AFF3: variants seen among roughly 807,000 people sequenced by gnomAD.
AFF3 encodes the protein ALF transcription elongation factor 3, also known as AF4/FMR2 family member 3.
A neutral mutation model predicts 129.7 loss-of-function variants in AFF3; 32 were observed. The ratio of observed to expected loss-of-function variants is 0.25; its 90% CI spans 0.19 to 0.33. AFF3 has a LOEUF of 0.33. AFF3 is among the 10% of genes least tolerant of loss of function. AFF3 has a pLI of 1.00. For missense variants in AFF3, 1,373 were observed against 1,592.0 expected (o/e 0.86, Z 2.34); for synonymous variants, 644 against 635.4 (o/e 1.01, Z -0.20).
intron 13 of AFF3, among the ~76,000 whole-genome samples, chr2:99,606,304 A>C (rs1680326625): frequency 6.6e-6 from 1 of 152,166 alleles, no homozygotes; most frequent in Non-Finnish European, 1.5e-5. Flanking sequence ...TGAAATGATA[A>C]CACGGATTGG....
Position 99,836,140 on chromosome 2 carries a change from A to T in AFF3, c.921+1337T>A, listed in dbSNP as rs376718626. On this transcript the variant is annotated intron_variant, in intron 8 of 24. Transcript: ENST00000672756. ...CATATCCTCAGAAGGGCCAAGAGAGAATAAGAAGGTAGACTTTTTCTACTT... is the reference window on the plus strand; with the variant it reads ...CATATCCTCAGAAGGGCCAAGAGAGTATAAGAAGGTAGACTTTTTCTACTT... Among the ~76,000 whole-genome samples, 4 of 152,316 alleles carry T rather than the reference A, an allele frequency of 2.6e-5. No homozygotes were observed. In the East Asian group the frequency reaches 7.7e-4, roughly 29 times the overall value.
chr2:100,070,527 A>G (rs1688095227), intron 4 of AFF3, among the ~76,000 whole-genome samples: 1 of 152,236 alleles, frequency 6.6e-6, no homozygotes, highest in Admixed American at 6.5e-5. Context: ...TACGATGTTC[A>G]TAGTTTATTC....
At chr2:99,638,159 C>T (rs868175500) in intron 13 of AFF3, among the ~76,000 whole-genome samples, 1 of 151,854 alleles carries the variant, frequency 6.6e-6, no homozygotes, top group African/African-American at 2.4e-5. Context: ...CTGCAACCTC[C>T]GTCTTCCAGG....
intron 8 of AFF3, among the ~76,000 whole-genome samples, chr2:99,763,586 G>A (rs1682786756): frequency 6.6e-6 from 1 of 152,080 alleles, no homozygotes; most frequent in Non-Finnish European, 1.5e-5. Flanking sequence ...CATTTTGATG[G>A]AAATACTACT....
chr2:99,681,037 G>T (rs1190564178), intron 11 of AFF3, among the ~76,000 whole-genome samples: 1 of 152,174 alleles, frequency 6.6e-6, no homozygotes, highest in Non-Finnish European at 1.5e-5. Context: ...GGATAGGTTT[G>T]GGGTGCAATC....
intron 7 of AFF3, among the ~76,000 whole-genome samples, chr2:99,951,620 G>A (rs2106387623): frequency 6.6e-6 from 1 of 152,264 alleles, no homozygotes; most frequent in South Asian, 2.1e-4. Flanking sequence ...CAGTTTATTA[G>A]TAAATACTGT....
At chr2:100,012,754 C>T (rs907876651) in intron 4 of AFF3, among the ~76,000 whole-genome samples, 1 of 152,168 alleles carries the variant, frequency 6.6e-6, no homozygotes, top group South Asian at 2.1e-4. Flanking sequence ...GGTCAGCTTC[C>T]CCTGGGATGG....
At chr2:99,940,487 C>A (rs1477862241) in intron 7 of AFF3, among the ~76,000 whole-genome samples, 1 of 152,168 alleles carries the variant, frequency 6.6e-6, no homozygotes, top group Non-Finnish European at 1.5e-5. Flanking sequence ...AAAGAAGCAG[C>A]CAAATCTCAC....
intron 7 of AFF3, among the ~76,000 whole-genome samples, chr2:99,838,786 A>G (rs1478231512): frequency 6.6e-6 from 1 of 152,210 alleles, no homozygotes; most frequent in African/African-American, 2.4e-5. Flanking sequence ...TCTGAGGGGC[A>G]TGAGGCTCAT....
chr2:99,673,867 T>C (rs1220372557), intron 11 of AFF3, among the ~76,000 whole-genome samples: 1 of 152,220 alleles, frequency 6.6e-6, no homozygotes, highest in Non-Finnish European at 1.5e-5. Context: ...TCTATGCATG[T>C]GGGGTGAGTC....
chr2:99,759,015 C>T (rs192864040), intron 8 of AFF3, among the ~76,000 whole-genome samples: 4 of 152,316 alleles, frequency 2.6e-5, no homozygotes, highest in Admixed American at 2.6e-4. Context: ...CTTACACCAT[C>T]CCCTTAGTGT....
At chr2:99,959,696 C>CATATATAT (rs58551565) in intron 7 of AFF3, among the ~76,000 whole-genome samples, 136 of 138,148 alleles carry the variant, frequency 9.8e-4, no homozygotes, top group African/African-American at 2.8e-3. Context: ...TAGTGTATAG[C>CATATATAT]ATATATATAT....
At chr2:99,667,928 G>A (rs1042882049) in intron 12 of AFF3, among the ~76,000 whole-genome samples, 37 of 151,760 alleles carry the variant, frequency 2.4e-4, no homozygotes, top group Non-Finnish European at 4.0e-4. Context: ...AGGCCGAGGC[G>A]GGTAGATCAT....
At chr2:99,956,991 C>G (rs1376456337) in intron 7 of AFF3, among the ~76,000 whole-genome samples, 1 of 152,216 alleles carries the variant, frequency 6.6e-6, no homozygotes, top group African/African-American at 2.4e-5. Context: ...TCGGCAGAAA[C>G]AGCTGAGAGT....
In AFF3 at chr2:99,714,334, C is replaced by G. The variant is rs142177498; in HGVS notation, c.1091+12743G>C. Among the ~76,000 whole-genome samples the G allele has an allele frequency of 2.3e-3, 349 of 152,264 alleles. 1 individual carries two copies. The highest frequency in any genetic ancestry group is 8.1e-3 in the African/African-American group (337 of 41,554). On this transcript the variant is annotated intron_variant, in intron 11 of 24. Transcript: ENST00000672756. ...CCATGCCCCTTTGCAGGCCTCCAGTCTAATTTGTGATTCTAACTAATGAGG... is the reference window on the plus strand; with the variant it reads ...CCATGCCCCTTTGCAGGCCTCCAGTGTAATTTGTGATTCTAACTAATGAGG...
chr2:99,950,530 C>A (rs1252976591), intron 7 of AFF3, among the ~76,000 whole-genome samples: 1 of 152,150 alleles, frequency 6.6e-6, no homozygotes, highest in African/African-American at 2.4e-5. Flanking sequence ...CACAATAATT[C>A]ATTGCTACTA....
intron 4 of AFF3, among the ~76,000 whole-genome samples, chr2:100,095,867 T>C (rs558925184): frequency 6.6e-6 from 1 of 152,194 alleles, no homozygotes; most frequent in Non-Finnish European, 1.5e-5. Context: ...GGCCACCTAA[T>C]GGACTCAGGG....
chr2:99,734,465 G>A (rs1167451259), intron 10 of AFF3, among the ~76,000 whole-genome samples: 2 of 151,988 alleles, frequency 1.3e-5, no homozygotes, highest in African/African-American at 4.8e-5. Context: ...TGAGGGGAAC[G>A]CTGCAAATGT....
At chr2:99,752,158 A>G in intron 9 of AFF3, 63 bp downstream of exon 9, 1 of 1,403,176 alleles carries the variant, frequency 7.1e-7, no homozygotes, top group South Asian at 1.2e-5. Context: ...GGTAAAGCCC[A>G]CTGCCCACTA....
Sources: allele counts gnomAD v4.1 joint callset (sites outside exome capture counted in the v4.1 genomes callset), GRCh38; gene constraint gnomAD v4.1.1; transcripts MANE v1.5; gene names NCBI Gene and HGNC (gene_info 2026-07-23, HGNC 2026-07-21).